Variants in ARMC6 observed in about 807,000 individuals in gnomAD.
ARMC6 encodes the protein armadillo repeat-containing protein 6.
A neutral mutation model predicts 49.2 loss-of-function variants in ARMC6; 43 were observed. The observed-to-expected ratio is 0.87, with a 90% CI of 0.69 to 1.13. ARMC6 has a LOEUF of 1.13. Among genes scored for constraint, ARMC6 ranks in the 50% most tolerant of loss-of-function variants. The pLI is 0.00. For missense variants in ARMC6, 627 were observed against 682.0 expected, an observed-to-expected ratio of 0.92 and a Z score of 0.90; for synonymous variants, 262 against 289.6, an observed-to-expected ratio of 0.90 and a Z score of 0.97.
intron 2 of ARMC6, among the ~76,000 whole-genome samples, chr19:19,040,254 C>T (rs937773682): frequency 3.3e-5 from 5 of 152,114 alleles, no homozygotes; most frequent in African/African-American, 1.2e-4. Context: ...TTCCTGTCTA[C>T]CCCTTGTTGG....
intron 2 of ARMC6, chr19:19,040,654 C>CA: frequency 3.6e-6 from 1 of 275,058 alleles, no homozygotes; most frequent in South Asian, 2.6e-5. Context: ...CAGAGTTTGA[C>CA]TTTTTTTTTT....
At chr19:19,034,565 T>C (rs1270623420) in intron 2 of ARMC6, among the ~76,000 whole-genome samples, 2 of 151,978 alleles carry the variant, frequency 1.3e-5, no homozygotes, top group Admixed American at 6.6e-5. Flanking sequence ...TGGAGTCTTT[T>C]AGAGTCCCCA....
intron 5 of ARMC6, among the ~76,000 whole-genome samples, chr19:19,052,525 G>T (rs974531923): frequency 2.0e-5 from 3 of 152,198 alleles, no homozygotes; most frequent in Non-Finnish European, 2.9e-5. Flanking sequence ...AGAGGACTCG[G>T]GGGGGCTGGC....
chr19:19,038,898 TACACAC>T (rs35676976), intron 2 of ARMC6, among the ~76,000 whole-genome samples: 12 of 147,312 alleles, frequency 8.1e-5, no homozygotes, highest in South Asian at 6.5e-4. Flanking sequence ...TTTGTGTGTA[TACACAC>T]ACACACACAC....
rs1410259991 is a variant in ARMC6, at chr19:19,055,932, G to A, written c.1293+4G>A. 1 of 1,606,220 alleles carries A rather than the reference G, an allele frequency of 6.2e-7. No individual in the cohort carries two copies. The highest frequency in any genetic ancestry group is 8.5e-7 in the Non-Finnish European group (1 of 1,178,448). ...CCCGCAGAAGGCCGGCGTGCAGGTG[G>A]GCAGGGCAGGGGATGGGGGCAGGCA... On this transcript the variant is annotated splice_donor_region_variant and intron_variant, in intron 8 of 8. Transcript: ENST00000535612. This position sits in a 1 kb window ranked among gnomAD's most constrained non-coding sequence, Gnocchi z 5.7.
At chr19:19,037,740 G>T (rs1279889578) in intron 2 of ARMC6, 1 of 1,092,464 alleles carries the variant, frequency 9.2e-7, no homozygotes, top group Non-Finnish European at 1.1e-6. Context: ...AATTTAAAAA[G>T]TTGTTAACCT....
In ARMC6 at chr19:19,055,238, A is replaced by T; in HGVS notation, c.1024-27A>T. ...CTCCCACAACCAGCGGCCTGGCTGG[A>T]GGTGAGCGGGCCTTTCCCTTGTGCA... On this transcript the variant is annotated intron_variant, in intron 6 of 8. Coordinates refer to ENST00000535612, the MANE Select transcript of ARMC6 (RefSeq NM_001199196.2). The surrounding 1 kb of genome is among the most constrained non-coding windows in gnomAD (Gnocchi z 5.7). 1 of 1,558,024 alleles carries T rather than the reference A, an allele frequency of 6.4e-7. No individual in the cohort carries two copies. Among genetic ancestry groups the T allele is most frequent in the East Asian group, 2.3e-5 (1 of 43,534 alleles).
At position 19,057,889 on chromosome 19, in the gene ARMC6, C is replaced by T; in HGVS notation, c.*261C>T. The T allele has an allele frequency of 1.6e-6, 1 of 612,956 alleles. No homozygotes were observed. The highest frequency in any genetic ancestry group is 1.7e-5 in the South Asian group (1 of 57,474). 38.0% of individuals were successfully genotyped at this position (612,956 alleles called of 1,614,324 possible). On this transcript the variant is annotated 3_prime_UTR_variant, in exon 9 of 9. Transcript: ENST00000535612. Reference sequence around the variant, plus strand: ...GTTACTGTCCTGCTCCTTCCCCCAGCCCCACGCCCTACCAGAGGGGGCAAA... The same window carrying T: ...GTTACTGTCCTGCTCCTTCCCCCAGTCCCACGCCCTACCAGAGGGGGCAAA...
Position 19,054,191 on chromosome 19 carries a change from G to A in ARMC6, c.893G>A (p.Gly298Glu). Residue 298 changes from glycine (G) to glutamate (E), a missense_variant, in exon 6 of 9, where the codon GGA becomes GAA. Physicochemically the swap from Gly to Glu is moderately conservative, Grantham distance 98. Transcript: ENST00000535612. ...DNPGILSELC[G>E]TLSRLAIRNE... is the part of the protein sequence containing the mutation. ...CCTGGCATCCTGAGCGAGCTCTGTG[G>A]AACCCTGTCCCGCCTGGCCATTCGC... The A allele has an allele frequency of 6.2e-7, 1 of 1,609,330 alleles. No homozygotes were observed. The highest frequency in any genetic ancestry group is 8.5e-7 in the Non-Finnish European group (1 of 1,177,888).
In ARMC6 at chr19:19,052,057, G is replaced by C. The variant is rs778120038; in HGVS notation, c.715G>C (p.Val239Leu). 2 of 1,613,972 alleles carry C rather than the reference G, an allele frequency of 1.2e-6. No individual in the cohort carries two copies. Among genetic ancestry groups the C allele is most frequent in the East Asian group, 4.5e-5 (2 of 44,892 alleles). ...ITHHGHHTDV[V>L]REACWALRVM... ...CCATCATGGCCACCACACTGACGTG[G>C]TCAGGGAAGCCTGCTGGGCCCTGCG... is the stretch of plus-strand genomic sequence containing the variant. Residue 239 changes from valine (V) to leucine (L), a missense_variant, in exon 5 of 9, where the codon GTC becomes CTC. Physicochemically the swap from Val to Leu is conservative, Grantham distance 32 (BLOSUM62 1). Transcript: ENST00000535612.
chr19:19,054,433 G>C (rs1427025460), intron 6 of ARMC6, 112 bp downstream of exon 6: 1 of 1,210,864 alleles, frequency 8.3e-7, no homozygotes, highest in African/African-American at 1.6e-5. Context: ...CCAAAGTGCA[G>C]TTTTTCTTTT....
chr19:19,046,988 CTG>C (rs767788753), intron 4 of ARMC6, among the ~76,000 whole-genome samples: 92 of 129,924 alleles, frequency 7.1e-4, no homozygotes, highest in Non-Finnish European at 1.1e-3. Context: ...AACTCTCACT[CTG>C]TCACCCATGC....
rs1340630170 is a variant in ARMC6, at chr19:19,034,245, G to A, written c.29+7G>A. 6.3e-6 allele frequency: 10 copies of A among 1,594,106 alleles called. No individual in the cohort carries two copies. The highest frequency in any genetic ancestry group is 4.5e-5 in the East Asian group (2 of 44,850). On this transcript the variant is annotated splice_region_variant and intron_variant, in intron 2 of 8. Coordinates refer to ENST00000535612, the MANE Select transcript of ARMC6 (RefSeq NM_001199196.2). ...GATGTTGCTCTAGATACAGGTAATG[G>A]TGTGCAAATAATAACAGAGTGATGG...
At chr19:19,056,195 G>A (rs1275611524) in intron 8 of ARMC6, among the ~76,000 whole-genome samples, 2 of 151,948 alleles carry the variant, frequency 1.3e-5, no homozygotes, top group African/African-American at 4.8e-5. Context: ...TTGGGGAGGG[G>A]GTAGTTTGGA....
At chr19:19,049,021 G>C (rs1233897441) in intron 4 of ARMC6, among the ~76,000 whole-genome samples, 2 of 151,428 alleles carry the variant, frequency 1.3e-5, no homozygotes, top group African/African-American at 4.9e-5. Context: ...AATACCTTTG[G>C]CCAAGAGGAG....
chr19:19,052,168 T>G lies in ARMC6; in HGVS notation c.826T>G (p.Leu276Val), dbSNP rs2059502933. Residue 276 changes from leucine (L) to valine (V), a missense_variant, in exon 5 of 9, where the codon TTG becomes GTG. Leu to Val is a conservative substitution (Grantham distance 32). Coordinates refer to ENST00000535612, the MANE Select transcript of ARMC6 (RefSeq NM_001199196.2). ...GATGATTGTGCAGGAGAACAAAGGC[T>G]TGAAGGTGCTCATCGAAGCCACCAA... is the stretch of plus-strand genomic sequence containing the variant. ...AKMIVQENKGLKVLIEATKAF... is the reference protein window; with the variant it reads ...AKMIVQENKGVKVLIEATKAF... 6.2e-7 allele frequency: 1 copy of G among 1,608,946 alleles called. No individual in the cohort carries two copies. Among genetic ancestry groups the G allele is most frequent in the African/African-American group, 1.3e-5 (1 of 74,978 alleles).
rs976056831 is a variant in ARMC6 at position 19,033,875 on chromosome 19, G to T, written c.-135G>T. 6.0e-5 allele frequency: 22 copies of T among 364,008 alleles called. No individual in the cohort carries two copies. Among genetic ancestry groups the T allele is most frequent in the African/African-American group, 3.1e-4 (14 of 45,890 alleles). 22.5% of individuals were successfully genotyped at this position (364,008 alleles called of 1,614,324 possible). ...CGGCGGCCGGAAGGGGCTAGAGGCG[G>T]CTCCCTGGGTGACAACCGCGCGCCC... is the stretch of plus-strand genomic sequence containing the variant. On this transcript the variant is annotated 5_prime_UTR_variant, in exon 1 of 9. Coordinates refer to ENST00000535612, the MANE Select transcript of ARMC6 (RefSeq NM_001199196.2).
At position 19,052,041 on chromosome 19, in the gene ARMC6, C is replaced by T. The variant is rs2059501669; in HGVS notation, c.699C>T (p.Gly233=). Residue 233 remains glycine (G), a synonymous_variant, in exon 5 of 9, where the codon GGC becomes GGT. Transcript: ENST00000535612. ...TGACTGGTGCCATCACCCATCATGG[C>T]CACCACACTGACGTGGTCAGGGAAG... ...PLLTGAITHH[G]HHTDVVREAC... The T allele has an allele frequency of 1.2e-6, 2 of 1,613,964 alleles. No individual in the cohort carries two copies. The highest frequency in any genetic ancestry group is 1.7e-6 in the Non-Finnish European group (2 of 1,180,038).
rs551375683 is a variant in ARMC6 at position 19,034,236 on chromosome 19, C to T, written c.27C>T (p.Tyr9=). MSERCCSR[Y]SSGASIGCTP... ...TGAGTGAACGATGTTGCTCTAGATA[C>T]AGGTAATGGTGTGCAAATAATAACA... The change falls in exon 2 of 9, where the codon TAC becomes TAT. Residue 9 remains tyrosine, a splice_region_variant and synonymous_variant. Coordinates refer to ENST00000535612, the MANE Select transcript of ARMC6 (RefSeq NM_001199196.2). 3.1e-6 allele frequency: 5 copies of T among 1,594,798 alleles called. No homozygotes were observed. The Admixed American group carries it at 5.0e-5, about 16-fold the overall frequency.
Sources: allele counts gnomAD v4.1 joint callset (sites outside exome capture counted in the v4.1 genomes callset), GRCh38; gene constraint gnomAD v4.1.1; non-coding constraint Gnocchi (gnomAD v3.1); transcripts MANE v1.5; gene names NCBI Gene and HGNC (gene_info 2026-07-23, HGNC 2026-07-21).